Variants in FAF1 observed in about 807,000 individuals in gnomAD.
FAF1 encodes Fas associated factor 1, also known as FAS-associated factor 1.
FAF1 carries 25 observed loss-of-function variants against 92.5 expected under a neutral mutation model. The ratio of observed to expected loss-of-function variants is 0.27; its 90% confidence interval spans 0.20 to 0.38. FAF1 has a LOEUF of 0.38. Among genes scored for constraint, FAF1 ranks in the 10% least tolerant of loss-of-function variants. The probability of loss-of-function intolerance (pLI) is 1.00; values close to 1 mark genes in which losing one functional copy is unlikely to be tolerated. For missense variants in FAF1, 636 were observed against 793.3 expected (o/e 0.80, Z 2.38); for synonymous variants, 234 against 273.2 (o/e 0.86, Z 1.42).
chr1:50,621,054 T>C (rs1486275319), intron 8 of FAF1, among the ~76,000 whole-genome samples: 1 of 152,244 alleles, frequency 6.6e-6, no homozygotes, highest in Non-Finnish European at 1.5e-5. Flanking sequence ...CTACCCTAGT[T>C]CTCAGTCCTC....
intron 1 of FAF1, among the ~76,000 whole-genome samples, chr1:50,867,966 G>GTA (rs1418160827): frequency 6.6e-6 from 1 of 151,992 alleles, no homozygotes; most frequent in Admixed American, 6.6e-5. Flanking sequence ...AGAAAGTGTG[G>GTA]TATATATATC....
At chr1:50,554,390 T>TATATATATAGAGAGAGAGAGAGAGAGAG in intron 13 of FAF1, among the ~76,000 whole-genome samples, 26 of 93,666 alleles carry the variant, frequency 2.8e-4, no homozygotes, top group Non-Finnish European at 3.6e-4. Context: ...TATATATATA[T>TATATATATAGAGAGAGAGAGAGAGAGAG]AGAGAGAGAG....
At chr1:50,558,488 A>G (rs574087547) in intron 13 of FAF1, among the ~76,000 whole-genome samples, 1 of 152,326 alleles carries the variant, frequency 6.6e-6, no homozygotes, top group South Asian at 2.1e-4. Flanking sequence ...GACAGTGATG[A>G]TTCTTTTAAT....
At chr1:50,642,660 T>TAA (rs1654394914) in intron 8 of FAF1, among the ~76,000 whole-genome samples, 1 of 151,896 alleles carries the variant, frequency 6.6e-6, no homozygotes, top group Non-Finnish European at 1.5e-5. Flanking sequence ...AAAATAATAA[T>TAA]AATAAAATAA....
chr1:50,590,166 T>A (rs980417356), intron 9 of FAF1, among the ~76,000 whole-genome samples: 2 of 152,234 alleles, frequency 1.3e-5, no homozygotes, highest in African/African-American at 4.8e-5. Context: ...TGAAATTCCA[T>A]ATGAATTTTT....
At chr1:50,864,816 C>T (rs1490489813) in intron 1 of FAF1, among the ~76,000 whole-genome samples, 2 of 152,066 alleles carry the variant, frequency 1.3e-5, no homozygotes, top group African/African-American at 4.8e-5. Flanking sequence ...AAAGCAATGG[C>T]AACAAAAGCC....
rs576912526 is a variant in FAF1, at chr1:50,899,611, C to T, written c.46-41614G>A. Among the ~76,000 whole-genome samples, 679 of 152,280 alleles carry T rather than the reference C, an allele frequency of 4.5e-3. 4 individuals carry two copies. Among genetic ancestry groups the T allele is most frequent in the African/African-American group, 0.013 (554 of 41,548 alleles). On this transcript the variant is annotated intron_variant, in intron 1 of 18. Transcript: ENST00000396153. ...GGGAATACAGGCGCGTGCCACCACA[C>T]CCAGCTAATTTTTGTATTTTTAGTA...
chr1:50,883,053 A>C (rs896186268), intron 1 of FAF1, among the ~76,000 whole-genome samples: 1 of 151,648 alleles, frequency 6.6e-6, no homozygotes, highest in Non-Finnish European at 1.5e-5. Context: ...TAAAATCAGG[A>C]CTCATAAATG....
chr1:50,499,202 T>A (rs1646948089), intron 15 of FAF1, among the ~76,000 whole-genome samples: 1 of 151,888 alleles, frequency 6.6e-6, no homozygotes, highest in Non-Finnish European at 1.5e-5. Flanking sequence ...GTTGCCAGAG[T>A]CTGAGGGGAA....
intron 1 of FAF1, among the ~76,000 whole-genome samples, chr1:50,922,458 CA>C (rs33971185): frequency 0.016 from 585 of 37,228 alleles, 1 homozygote; most frequent in African/African-American, 0.063. Flanking sequence ...GACTCTGCCT[CA>C]AAAAAAAAAA....
chr1:50,464,488 T>C (rs1646470836), intron 18 of FAF1, among the ~76,000 whole-genome samples: 1 of 152,204 alleles, frequency 6.6e-6, no homozygotes, highest in Non-Finnish European at 1.5e-5. Context: ...TTTTACTGCA[T>C]TTTACTAAGG....
At chr1:50,672,640 T>C (rs1354861492) in intron 7 of FAF1, among the ~76,000 whole-genome samples, 1 of 152,132 alleles carries the variant, frequency 6.6e-6, no homozygotes, top group African/African-American at 2.4e-5. Flanking sequence ...GGACAATATA[T>C]TGATACTACT....
chr1:50,751,065 T>C (rs1305072409), intron 4 of FAF1, among the ~76,000 whole-genome samples: 1 of 143,996 alleles, frequency 6.9e-6, no homozygotes, highest in Non-Finnish European at 1.5e-5. Context: ...TGATGGATTA[T>C]AAGCTGTTAA....
intron 17 of FAF1, among the ~76,000 whole-genome samples, chr1:50,480,957 T>C (rs1320579526): frequency 6.6e-6 from 1 of 152,158 alleles, no homozygotes; most frequent in African/African-American, 2.4e-5. Flanking sequence ...ATTGATGATC[T>C]AGACCTTGTG....
intron 13 of FAF1, among the ~76,000 whole-genome samples, chr1:50,565,536 A>C (rs1207260801): frequency 1.3e-5 from 2 of 152,106 alleles, no homozygotes; most frequent in African/African-American, 4.8e-5. Flanking sequence ...TGGTCACCAC[A>C]GGTGTCTCTG....
intron 9 of FAF1, 27 bp from the exon 10 acceptor site, chr1:50,584,838 T>C: frequency 6.2e-7 from 1 of 1,607,844 alleles, no homozygotes; most frequent in Non-Finnish European, 8.5e-7. Flanking sequence ...CTGATTAGTT[T>C]CATATTGATT....
chr1:50,584,630 T>C, intron 10 of FAF1, 55 bp downstream of exon 10: 1 of 1,553,596 alleles, frequency 6.4e-7, no homozygotes, highest in South Asian at 1.2e-5. Context: ...TTCATAAGTT[T>C]GTGTACTAGA....
At chr1:50,858,984 G>A (rs1644411960) in intron 1 of FAF1, among the ~76,000 whole-genome samples, 1 of 151,616 alleles carries the variant, frequency 6.6e-6, no homozygotes, top group Admixed American at 6.6e-5. Context: ...GGTTGGTTGG[G>A]CATATGATTC....
chr1:50,646,037 AT>A (rs2124262302), intron 8 of FAF1, among the ~76,000 whole-genome samples: 1 of 152,306 alleles, frequency 6.6e-6, no homozygotes, highest in South Asian at 2.1e-4. Context: ...TGGCAACTTC[AT>A]ATGGTCCCAC....
Sources: allele counts gnomAD v4.1 joint callset (sites outside exome capture counted in the v4.1 genomes callset), GRCh38; gene constraint gnomAD v4.1.1; transcripts MANE v1.5; gene names NCBI Gene and HGNC (gene_info 2026-07-23, HGNC 2026-07-21).